ANO3: variants seen among roughly 807,000 people sequenced by gnomAD.
ANO3 encodes anoctamin-3.
ANO3 carries 99 observed loss-of-function variants against 144.8 expected under a neutral mutation model. The ratio of observed to expected loss-of-function variants is 0.68; its 90% CI spans 0.58 to 0.81. ANO3 has a LOEUF of 0.81. ANO3 is among the 30% of genes least tolerant of loss of function. The pLI is 0.00. For missense variants in ANO3, 905 were observed against 1,202.2 expected (o/e 0.75, Z 3.66); for synonymous variants, 414 against 392.6 (o/e 1.05, Z -0.64).
intron 4 of ANO3, among the ~76,000 whole-genome samples, chr11:26,484,366 C>A (rs545006744): frequency 1.3e-3 from 198 of 152,284 alleles, no homozygotes; most frequent in African/African-American, 4.6e-3. Context: ...ACCACAGCTC[C>A]AGCAGTGGCT....
chr11:26,393,876 A>C (rs1856940973), intron 1 of ANO3, among the ~76,000 whole-genome samples: 1 of 152,134 alleles, frequency 6.6e-6, no homozygotes, highest in Admixed American at 6.6e-5. Flanking sequence ...AATATAAGGG[A>C]TTATTTTGAC....
At chr11:26,197,172 C>T (rs894481715) in intron 1 of ANO3, among the ~76,000 whole-genome samples, 4 of 152,116 alleles carry the variant, frequency 2.6e-5, no homozygotes, top group African/African-American at 9.7e-5. Context: ...ACCTTATCTT[C>T]ATACTCTCAT....
At chr11:26,569,605 G>A (rs2134283085) in intron 14 of ANO3, among the ~76,000 whole-genome samples, 1 of 152,188 alleles carries the variant, frequency 6.6e-6, no homozygotes, top group South Asian at 2.1e-4. Flanking sequence ...CATGCCAACT[G>A]AACAAAGCAC....
upstream of ANO3, among the ~76,000 whole-genome samples, chr11:26,330,397 T>C (rs571201359): frequency 2.0e-4 from 31 of 152,298 alleles, no homozygotes; most frequent in Admixed American, 5.9e-4. Flanking sequence ...AGATCTTCAT[T>C]TGGAGGTGAA....
chr11:26,316,965 A>T (rs1854640546), intron 1 of ANO3, among the ~76,000 whole-genome samples: 1 of 152,136 alleles, frequency 6.6e-6, no homozygotes. Flanking sequence ...ATTCCATAGC[A>T]ATAGTTTCAG....
chr11:26,447,916 T>C (rs1239663303), intron 3 of ANO3, among the ~76,000 whole-genome samples: 1 of 152,156 alleles, frequency 6.6e-6, no homozygotes, highest in East Asian at 1.9e-4. Flanking sequence ...TGCTGGAAAA[T>C]GACAAGGACA....
At chr11:26,266,763 C>G (rs546316528) in intron 1 of ANO3, among the ~76,000 whole-genome samples, 132 of 150,520 alleles carry the variant, frequency 8.8e-4, no homozygotes, top group African/African-American at 2.7e-3. Flanking sequence ...AATGCAGATG[C>G]AGAGTGGTCA....
intron 1 of ANO3, among the ~76,000 whole-genome samples, chr11:26,343,021 C>T (rs1172082249): frequency 6.6e-6 from 1 of 152,112 alleles, no homozygotes; most frequent in East Asian, 1.9e-4. Flanking sequence ...TAGCAAATTT[C>T]AAGTATATAG....
At chr11:26,550,473 T>C (rs1849904806) in intron 12 of ANO3, among the ~76,000 whole-genome samples, 1 of 151,968 alleles carries the variant, frequency 6.6e-6, no homozygotes, top group South Asian at 2.1e-4. Context: ...CTCTGTTTTT[T>C]ATAAGTTTGA....
intron 4 of ANO3, among the ~76,000 whole-genome samples, chr11:26,494,541 T>C (rs907631363): frequency 1.3e-5 from 2 of 152,206 alleles, no homozygotes; most frequent in Admixed American, 6.5e-5. Flanking sequence ...TATGAATGCT[T>C]CCACTTACCT....
chr11:26,638,977 C>A (rs149764119), intron 20 of ANO3, among the ~76,000 whole-genome samples, 167 bp from the exon 21 acceptor site: 4 of 152,078 alleles, frequency 2.6e-5, no homozygotes, highest in Non-Finnish European at 4.4e-5. Flanking sequence ...TGAAGAATTC[C>A]CTCATCAAGT....
intron 1 of ANO3, among the ~76,000 whole-genome samples, chr11:26,385,413 G>T (rs1029968683): frequency 6.6e-6 from 1 of 152,104 alleles, no homozygotes; most frequent in African/African-American, 2.4e-5. Context: ...TTCAAAATTA[G>T]ACTCACTGGA....
intron 1 of ANO3, among the ~76,000 whole-genome samples, chr11:26,311,955 T>C (rs892309743): frequency 6.6e-6 from 1 of 152,198 alleles, no homozygotes; most frequent in African/African-American, 2.4e-5. Context: ...ACCCATTAAC[T>C]GGTCATTTAC....
chr11:26,588,155 G>C (rs1851342836), intron 14 of ANO3, among the ~76,000 whole-genome samples: 1 of 152,044 alleles, frequency 6.6e-6, no homozygotes, highest in Admixed American at 6.6e-5. Flanking sequence ...CGTCACCCCT[G>C]TTAAAACATA....
chr11:26,639,980 G>A (rs1247595896), intron 21 of ANO3, among the ~76,000 whole-genome samples: 1 of 151,742 alleles, frequency 6.6e-6, no homozygotes, highest in African/African-American at 2.4e-5. Context: ...GGTTGATGAA[G>A]TAAGTAGCTT....
chr11:26,522,703 A>C (rs1304968870), intron 6 of ANO3, among the ~76,000 whole-genome samples: 3 of 152,210 alleles, frequency 2.0e-5, no homozygotes, highest in Non-Finnish European at 2.9e-5. Context: ...GATCAAAGAT[A>C]TGCAGTATAT....
At chr11:26,313,496 C>A (rs1344282341) in intron 1 of ANO3, among the ~76,000 whole-genome samples, 1 of 151,978 alleles carries the variant, frequency 6.6e-6, no homozygotes, top group Non-Finnish European at 1.5e-5. Flanking sequence ...ACCATCCTGG[C>A]CAACATGGTG....
At position 26,643,118 on chromosome 11, in the gene ANO3, T is replaced by C. The variant is rs1853223641; in HGVS notation, c.2276-64T>C. The C allele has an allele frequency of 2.0e-6, 3 of 1,510,792 alleles. No homozygotes were observed. The East Asian group carries it at 6.8e-5, about 34-fold the overall frequency. 93.6% of individuals were successfully genotyped at this position (1,510,792 alleles called of 1,614,324 possible). On this transcript the variant is annotated intron_variant, in intron 22 of 26. Transcript: ENST00000256737. ...TTGAAAGCATTAAAAGCAATTTATATAAAGCACCAAATTTGTCACAAAGGA... is the reference window on the plus strand; with the variant it reads ...TTGAAAGCATTAAAAGCAATTTATACAAAGCACCAAATTTGTCACAAAGGA...
chr11:26,531,418 T>C (rs1387600004), intron 8 of ANO3, 82 bp downstream of exon 8: 1 of 1,438,632 alleles, frequency 7.0e-7, no homozygotes, highest in Non-Finnish European at 9.3e-7. Context: ...CTGGGACCAT[T>C]TCCATTGTTT....
Sources: gnomAD v4.1 joint callset for allele counts (sites outside exome capture counted in the v4.1 genomes callset) on GRCh38, gnomAD v4.1.1 for gene constraint, MANE v1.5 for transcripts, NCBI Gene and HGNC (gene_info 2026-07-23, HGNC 2026-07-21) for gene names.